The following ATP9A variants were observed in gnomAD, a reference collection of about 807,000 sequenced individuals.
ATP9A encodes the protein probable phospholipid-transporting ATPase IIA.
ATP9A carries 52 observed loss-of-function variants against 144.1 expected under a neutral mutation model. The observed-to-expected ratio is 0.36, with a 90% CI of 0.29 to 0.45. The LOEUF is 0.45. Ranked by LOEUF, ATP9A falls within the 20% of genes least tolerant of loss-of-function variation. The pLI, the probability that ATP9A is intolerant of heterozygous loss-of-function variation, is 1.00. For synonymous variants in ATP9A, 582 were observed against 557.4 expected, an observed-to-expected ratio of 1.04 and a Z score of -0.62; for missense variants, 947 against 1,392.7, an observed-to-expected ratio of 0.68 and a Z score of 5.09.
intron 9 of ATP9A, among the ~76,000 whole-genome samples, chr20:51,684,162 G>A (rs1000059804): frequency 5.3e-5 from 8 of 152,098 alleles, no homozygotes; most frequent in Admixed American, 6.6e-5. Context: ...AACAACCTGG[G>A]TGACAGATCA....
In ATP9A at chr20:51,731,343, G is replaced by A. The variant is rs1046810394; in HGVS notation, c.69-1365C>T. Among the ~76,000 whole-genome samples the A allele has an allele frequency of 2.6e-5, 4 of 151,972 alleles. No homozygotes were observed. In the South Asian group the frequency reaches 8.3e-4, roughly 32 times the overall value. On this transcript the variant is annotated intron_variant, in intron 1 of 27. Transcript: ENST00000338821. The stretch of plus-strand genomic sequence containing the variant: ...AATAATAATAATTTTTTAAAGGTAG[G>A]CTTTATTTTAGAATAAAAGGATTTA...
At chr20:51,636,159 G>A (rs1045858154) in intron 15 of ATP9A, among the ~76,000 whole-genome samples, 6 of 152,086 alleles carry the variant, frequency 3.9e-5, no homozygotes, top group Non-Finnish European at 5.9e-5. Context: ...TTGCTTGAAC[G>A]CAAGCACGGC....
chr20:51,610,318 TCAA>T (rs1452667179), intron 23 of ATP9A, among the ~76,000 whole-genome samples, 153 bp from the exon 24 acceptor site: 5 of 152,092 alleles, frequency 3.3e-5, no homozygotes, highest in African/African-American at 7.2e-5. Context: ...TCTCACAACA[TCAA>T]CAACAACCCT....
intron 8 of ATP9A, among the ~76,000 whole-genome samples, chr20:51,689,610 C>T (rs546529664): frequency 1.3e-5 from 2 of 151,054 alleles, no homozygotes; most frequent in South Asian, 4.2e-4. Context: ...CGATCTCGGC[C>T]CACTGCAACC....
At chr20:51,693,958 C>T (rs1354768607) in intron 7 of ATP9A, 50 bp downstream of exon 7, 2 of 1,523,502 alleles carry the variant, frequency 1.3e-6, no homozygotes, top group South Asian at 1.2e-5. Context: ...GTTTGAGAAC[C>T]CTGCTAAGAT....
intron 7 of ATP9A, among the ~76,000 whole-genome samples, chr20:51,693,280 G>C (rs1421447228): frequency 6.6e-6 from 1 of 152,222 alleles, no homozygotes; most frequent in African/African-American, 2.4e-5. Flanking sequence ...GTGGAGTGCG[G>C]AGATGCCCTG....
In ATP9A at chr20:51,724,460, A is replaced by G. The variant is rs184413237; in HGVS notation, c.327+1359T>C. Among the ~76,000 whole-genome samples, 10 of 152,326 alleles carry G rather than the reference A, an allele frequency of 6.6e-5. No homozygotes were observed. In the East Asian group the frequency reaches 1.9e-3, roughly 29 times the overall value. Reference sequence around the variant, plus strand: ...TCCTCAGGAGGCCTTTCACAGCCACACAGGCTAAGGCTGCCCCTTCACATC... The same window carrying G: ...TCCTCAGGAGGCCTTTCACAGCCACGCAGGCTAAGGCTGCCCCTTCACATC... On this transcript the variant is annotated intron_variant, in intron 3 of 27. Transcript: ENST00000338821.
chr20:51,619,152 G>T, intron 19 of ATP9A, 109 bp from the exon 20 acceptor site: 1 of 889,092 alleles, frequency 1.1e-6, no homozygotes. Context: ...CCCAGCCAAG[G>T]GTCCCTCCCC....
chr20:51,667,470 C>G (rs575415703), intron 13 of ATP9A, among the ~76,000 whole-genome samples: 2 of 152,258 alleles, frequency 1.3e-5, no homozygotes, highest in East Asian at 1.9e-4. Context: ...CAAGAAGGAG[C>G]CTGGTGGGCA....
At chr20:51,627,570 AG>A (rs2077254451) in intron 17 of ATP9A, 29 bp downstream of exon 17, 1 of 1,599,540 alleles carries the variant, frequency 6.3e-7, no homozygotes, top group Non-Finnish European at 8.6e-7. Context: ...GGGGCTGCAA[AG>A]GCAATGGAAA....
chr20:51,642,742 A>G, intron 14 of ATP9A, among the ~76,000 whole-genome samples: 1 of 143,024 alleles, frequency 7.0e-6, no homozygotes, highest in East Asian at 2.0e-4. Flanking sequence ...AAAAAAAAAA[A>G]AAAAAAAAAA....
chr20:51,748,948 T>TAGACAGAC (rs60891087), intron 1 of ATP9A, among the ~76,000 whole-genome samples: 4,599 of 137,806 alleles, frequency 0.033, 90 homozygotes, highest in South Asian at 0.053. Context: ...GATAGATAGA[T>TAGACAGAC]AGACAGACAG....
chr20:51,715,508 G>GT (rs1206376016), intron 3 of ATP9A, among the ~76,000 whole-genome samples: 4 of 152,250 alleles, frequency 2.6e-5, no homozygotes, highest in African/African-American at 9.6e-5. Flanking sequence ...TTCTCTCTGC[G>GT]TGGGCCTGGC....
At chr20:51,601,834 G>T (rs2077144391) in intron 27 of ATP9A, among the ~76,000 whole-genome samples, 1 of 152,080 alleles carries the variant, frequency 6.6e-6, no homozygotes, top group Non-Finnish European at 1.5e-5. Flanking sequence ...TGAGCCCGGG[G>T]AGCTTGAGAC....
chr20:51,637,175 T>A (rs1361035626), intron 15 of ATP9A, among the ~76,000 whole-genome samples: 2 of 151,910 alleles, frequency 1.3e-5, no homozygotes, highest in Admixed American at 6.6e-5. Flanking sequence ...TCTACTACTA[T>A]CCCAGAGCTG....
intron 1 of ATP9A, among the ~76,000 whole-genome samples, chr20:51,739,217 T>A (rs2077774770): frequency 6.6e-6 from 1 of 152,112 alleles, no homozygotes; most frequent in Non-Finnish European, 1.5e-5. Flanking sequence ...CATCCAACAG[T>A]CTGGACCCCA....
chr20:51,670,278 T>C (rs1354062132), intron 12 of ATP9A, among the ~76,000 whole-genome samples, 169 bp from the exon 13 acceptor site: 1 of 152,214 alleles, frequency 6.6e-6, no homozygotes, highest in Non-Finnish European at 1.5e-5. Flanking sequence ...TAGAATCCCA[T>C]TCCCCTTTTG....
intron 11 of ATP9A, among the ~76,000 whole-genome samples, chr20:51,671,678 A>G (rs1347582874): frequency 6.6e-6 from 1 of 152,096 alleles, no homozygotes; most frequent in Non-Finnish European, 1.5e-5. Context: ...CCACCTCCGT[A>G]ATTCTTTCAT....
chr20:51,758,644 G>C (rs2077866277), intron 1 of ATP9A, among the ~76,000 whole-genome samples: 1 of 152,162 alleles, frequency 6.6e-6, no homozygotes. Context: ...GAGCCCTTTT[G>C]GGCTGGGCGC....
Sources: gnomAD v4.1 joint callset for allele counts (sites outside exome capture counted in the v4.1 genomes callset) on GRCh38, gnomAD v4.1.1 for gene constraint, MANE v1.5 for transcripts, NCBI Gene and HGNC (gene_info 2026-07-23, HGNC 2026-07-21) for gene names.